The following ITGA8 variants were observed in gnomAD, a reference collection of about 807,000 sequenced individuals.
ITGA8 encodes the protein integrin alpha-8.
In ITGA8, 91 loss-of-function variants were observed where a neutral mutation model predicts 142.3. The ratio of observed to expected loss-of-function variants is 0.64; its 90% CI spans 0.54 to 0.76. The LOEUF (loss-of-function observed/expected upper bound fraction) is 0.76. Among genes scored for constraint, ITGA8 ranks in the 30% least tolerant of loss-of-function variants. ITGA8 has a pLI of 0.00. For missense variants in ITGA8, 1,406 were observed against 1,327.7 expected, an observed-to-expected ratio of 1.06 and a Z score of -0.92; for synonymous variants, 505 against 485.2, an observed-to-expected ratio of 1.04 and a Z score of -0.54.
rs756181285 is a variant in ITGA8 at position 15,608,273 on chromosome 10, C to G, written c.1571G>C (p.Cys524Ser). 8.9e-5 allele frequency: 142 copies of G among 1,593,468 alleles called. No homozygotes were observed. The highest frequency in any genetic ancestry group is 1.2e-4 in the Non-Finnish European group (140 of 1,171,694). The change falls in exon 16 of 30, where the codon TGT becomes TCT. Residue 524 changes from cysteine to serine, a missense_variant. Physicochemically the swap from Cys to Ser is moderately radical, Grantham distance 112. Transcript: ENST00000378076. Reference sequence around the variant, plus strand: ...AATGCTCTGGCCTGTGACAGATGCACATACTCTTAAAGAAAAGCTATAGAA... The same window carrying G: ...AATGCTCTGGCCTGTGACAGATGCAGATACTCTTAAAGAAAAGCTATAGAA... ...TSAACFSLRV[C>S]ASVTGQSIAN...
intron 14 of ITGA8, among the ~76,000 whole-genome samples, chr10:15,614,682 T>C (rs1462511564): frequency 6.6e-6 from 1 of 152,150 alleles, no homozygotes; most frequent in Non-Finnish European, 1.5e-5. Context: ...AATGAAGCCA[T>C]GTTGGATAAG....
chr10:15,571,777 C>T (rs992514850), intron 25 of ITGA8, among the ~76,000 whole-genome samples: 1 of 152,200 alleles, frequency 6.6e-6, no homozygotes, highest in African/African-American at 2.4e-5. Context: ...TGGCAAATTG[C>T]CACGGTTCAC....
At chr10:15,712,284 A>G (rs2131739547) in intron 2 of ITGA8, among the ~76,000 whole-genome samples, 1 of 152,326 alleles carries the variant, frequency 6.6e-6, no homozygotes, top group South Asian at 2.1e-4. Context: ...ATCTTGCTCA[A>G]AAATCCATGT....
At chr10:15,697,432 C>G (rs2131722210) in intron 2 of ITGA8, among the ~76,000 whole-genome samples, 1 of 152,298 alleles carries the variant, frequency 6.6e-6, no homozygotes, top group East Asian at 1.9e-4. Context: ...TTCCCTCCTC[C>G]CCGTCCAGAG....
At chr10:15,695,420 G>C (rs911917672) in intron 2 of ITGA8, among the ~76,000 whole-genome samples, 4 of 152,106 alleles carry the variant, frequency 2.6e-5, no homozygotes, top group Non-Finnish European at 4.4e-5. Context: ...AAATAAGTAA[G>C]ATATATATGG....
chr10:15,648,028 G>GA (rs1274414635), intron 11 of ITGA8, among the ~76,000 whole-genome samples: 1 of 152,068 alleles, frequency 6.6e-6, no homozygotes, highest in South Asian at 2.1e-4. Context: ...ACCACCTGGA[G>GA]AAAAAATAAA....
At chr10:15,689,606 A>G (rs1322273398) in intron 2 of ITGA8, among the ~76,000 whole-genome samples, 1 of 152,160 alleles carries the variant, frequency 6.6e-6, no homozygotes, top group African/African-American at 2.4e-5. Flanking sequence ...GACGGAGCTC[A>G]CTTTGTACCC....
intron 22 of ITGA8, among the ~76,000 whole-genome samples, chr10:15,589,050 G>A (rs185103550): frequency 4.0e-4 from 61 of 152,218 alleles, no homozygotes; most frequent in African/African-American, 1.2e-4. Flanking sequence ...CACTAATACC[G>A]CTGCTACATC....
chr10:15,608,896 A>G (rs1170666452), intron 15 of ITGA8, among the ~76,000 whole-genome samples: 1 of 152,110 alleles, frequency 6.6e-6, no homozygotes, highest in Non-Finnish European at 1.5e-5. Context: ...AATTTGGCAG[A>G]ACCTTGCTAC....
At chr10:15,693,618 A>C (rs72781824) in intron 2 of ITGA8, among the ~76,000 whole-genome samples, 29,559 of 152,144 alleles carry the variant, frequency 0.19, 2,860 homozygotes, top group South Asian at 0.22. Context: ...TATGTCTAGG[A>C]AGCTTGGAAG....
chr10:15,649,035 G>A (rs1315672707), intron 11 of ITGA8, among the ~76,000 whole-genome samples: 6 of 152,144 alleles, frequency 3.9e-5, no homozygotes. Context: ...AGGTTCCATG[G>A]AGGAGATGGC....
chr10:15,713,132 G>C (rs1016750880), intron 2 of ITGA8, among the ~76,000 whole-genome samples: 2 of 152,156 alleles, frequency 1.3e-5, no homozygotes, highest in Admixed American at 6.6e-5. Flanking sequence ...GTTGTGTTCT[G>C]TTGCATGAAG....
intron 11 of ITGA8, among the ~76,000 whole-genome samples, chr10:15,653,947 G>T (rs1026233106): frequency 4.6e-5 from 7 of 151,634 alleles, no homozygotes; most frequent in African/African-American, 1.7e-4. Context: ...GGATTATCCT[G>T]CCTCAGCCTC....
chr10:15,663,702 A>G (rs1246509675), intron 8 of ITGA8, among the ~76,000 whole-genome samples: 1 of 151,806 alleles, frequency 6.6e-6, no homozygotes, highest in Non-Finnish European at 1.5e-5. Context: ...CCAGCCTCTT[A>G]AGCTGGGACT....
At chr10:15,608,411 AC>A in intron 15 of ITGA8, 121 bp from the exon 16 acceptor site, 2 of 589,190 alleles carry the variant, frequency 3.4e-6, no homozygotes, top group South Asian at 2.1e-5. Context: ...TTACACACAC[AC>A]ACACACACAC....
At chr10:15,685,198 T>G (rs368518510) in intron 3 of ITGA8, among the ~76,000 whole-genome samples, 4 of 152,220 alleles carry the variant, frequency 2.6e-5, no homozygotes, top group East Asian at 3.8e-4. Flanking sequence ...CTCCTTGTTA[T>G]GGAGAAATTT....
rs200187253 is a variant in ITGA8, at chr10:15,611,821, C to A, written c.1553+1839G>T. Among the ~76,000 whole-genome samples the A allele has an allele frequency of 2.5e-3, 380 of 151,126 alleles. 6 individuals are homozygous for A. In the East Asian group the frequency reaches 0.034, roughly 13 times the overall value. ...TCTGGTTAAAAAAAAAAAAAAAAAA[C>A]CACACACTTCAGTCTTATACAAATA... is the stretch of plus-strand genomic sequence containing the variant. On this transcript the variant is annotated intron_variant, in intron 15 of 29. Coordinates refer to ENST00000378076, the MANE Select transcript of ITGA8 (RefSeq NM_003638.3).
At chr10:15,555,895 C>T (rs1267442416) in intron 26 of ITGA8, among the ~76,000 whole-genome samples, 3 of 150,464 alleles carry the variant, frequency 2.0e-5, no homozygotes, top group Admixed American at 6.6e-5. Flanking sequence ...GACGGGGTTT[C>T]ACCACGCTAA....
intron 15 of ITGA8, 112 bp downstream of exon 15, chr10:15,613,548 T>A: frequency 1.3e-6 from 1 of 778,946 alleles, no homozygotes; most frequent in Non-Finnish European, 2.2e-6. Context: ...TTTCGAGAAA[T>A]GCAAAATCTA....
Sources: gnomAD v4.1 joint callset for allele counts (sites outside exome capture counted in the v4.1 genomes callset) on GRCh38, gnomAD v4.1.1 for gene constraint, MANE v1.5 for transcripts, NCBI Gene and HGNC (gene_info 2026-07-23, HGNC 2026-07-21) for gene names.